The following CTNNA2 variants were observed in gnomAD, a reference collection of about 807,000 sequenced individuals.
CTNNA2 encodes catenin alpha 2, also known as catenin alpha-2.
In CTNNA2, 42 loss-of-function variants were observed where a neutral mutation model predicts 101.0. The observed-to-expected ratio is 0.42, with a 90% CI of 0.32 to 0.54. The LOEUF (loss-of-function observed/expected upper bound fraction) is 0.54. CTNNA2 is among the 20% of genes least tolerant of loss of function. The probability of loss-of-function intolerance (pLI) is 0.14; values close to 1 mark genes in which losing one functional copy is unlikely to be tolerated. For synonymous variants in CTNNA2, 450 were observed against 456.4 expected (o/e 0.99, Z 0.18); for missense variants, 871 against 1,223.1 (o/e 0.71, Z 4.29).
chr2:79,249,559 C>G (rs528555381), intron 2 of CTNNA2, among the ~76,000 whole-genome samples: 9 of 152,302 alleles, frequency 5.9e-5, no homozygotes, highest in South Asian at 2.1e-4. Flanking sequence ...GTATCCTAAG[C>G]CTTCCTCAAT....
At chr2:79,706,176 A>G (rs1260632212) in intron 2 of CTNNA2, among the ~76,000 whole-genome samples, 8 of 152,046 alleles carry the variant, frequency 5.3e-5, no homozygotes, top group Non-Finnish European at 1.2e-4. Context: ...CATCCTGGCT[A>G]ACACGGTGAA....
At chr2:79,292,269 A>G (rs1675842106) in intron 2 of CTNNA2, among the ~76,000 whole-genome samples, 1 of 152,184 alleles carries the variant, frequency 6.6e-6, no homozygotes, top group African/African-American at 2.4e-5. Context: ...AACCAGGGCT[A>G]CACTGAATTC....
chr2:80,581,034 T>C (rs1359714133), intron 13 of CTNNA2, among the ~76,000 whole-genome samples: 1 of 152,086 alleles, frequency 6.6e-6, no homozygotes, highest in Non-Finnish European at 1.5e-5. Flanking sequence ...AAACCCTAAG[T>C]AATAATGATG....
intron 7 of CTNNA2, among the ~76,000 whole-genome samples, chr2:79,945,884 G>A (rs1286991621): frequency 6.6e-6 from 1 of 152,098 alleles, no homozygotes; most frequent in African/African-American, 2.4e-5. Flanking sequence ...ATTTTATTGT[G>A]TCATGCTTGC....
At chr2:79,605,344 C>T (rs1677814421) in intron 1 of CTNNA2, among the ~76,000 whole-genome samples, 1 of 151,976 alleles carries the variant, frequency 6.6e-6, no homozygotes, top group South Asian at 2.1e-4. Context: ...CTTCATTGAG[C>T]TGTGGGACAA....
At chr2:80,461,112 G>A (rs557208366) in intron 9 of CTNNA2, among the ~76,000 whole-genome samples, 34 of 152,166 alleles carry the variant, frequency 2.2e-4, no homozygotes, top group African/African-American at 7.2e-4. Context: ...CCTAACTTTA[G>A]CCAGGCTCCT....
intron 2 of CTNNA2, among the ~76,000 whole-genome samples, chr2:79,305,176 A>C (rs1676205141): frequency 6.6e-6 from 1 of 152,000 alleles, no homozygotes; most frequent in Non-Finnish European, 1.5e-5. Flanking sequence ...CAAAACTTGA[A>C]TATTTAATTG....
chr2:80,648,486 C>G lies in CTNNA2; in HGVS notation c.*614C>G, dbSNP rs11445. The G allele has an allele frequency of 6.6e-6, 1 of 152,462 alleles. No homozygotes were observed. The highest frequency in any genetic ancestry group is 6.6e-5 in the Admixed American group (1 of 15,264). The allele number at this position is 152,462 out of a possible 1,614,324, so 9.4% of individuals were successfully genotyped here. On this transcript the variant is annotated 3_prime_UTR_variant, in exon 19 of 19. Transcript: ENST00000402739. ...TTCTAGTTGTGCCATTACTAGTGAT[C>G]ATGTTTTTTTCCCCCCTTTAATGAA...
chr2:79,399,659 A>T (rs184532117), intron 4 of CTNNA2, among the ~76,000 whole-genome samples: 1 of 152,144 alleles, frequency 6.6e-6, no homozygotes, highest in African/African-American at 2.4e-5. Flanking sequence ...TATAATTTAA[A>T]AATTACATCA....
chr2:80,433,083 C>A (rs1011342866), intron 9 of CTNNA2, among the ~76,000 whole-genome samples: 2 of 152,140 alleles, frequency 1.3e-5, no homozygotes, highest in African/African-American at 4.8e-5. Flanking sequence ...CAACACTCAG[C>A]TAAAGAGGCT....
chr2:80,020,426 T>A (rs2104098427), intron 7 of CTNNA2, among the ~76,000 whole-genome samples: 1 of 152,302 alleles, frequency 6.6e-6, no homozygotes, highest in Admixed American at 6.5e-5. Flanking sequence ...CTCATTGGCA[T>A]GGAGTGTTGA....
At chr2:79,457,496 G>A (rs1052154018) in intron 4 of CTNNA2, among the ~76,000 whole-genome samples, 2 of 152,114 alleles carry the variant, frequency 1.3e-5, no homozygotes, top group Non-Finnish European at 2.9e-5. Context: ...TCATTGGGGG[G>A]GAAATAAAAT....
At chr2:79,370,076 C>A (rs1437188558) in intron 3 of CTNNA2, among the ~76,000 whole-genome samples, 1 of 152,150 alleles carries the variant, frequency 6.6e-6, no homozygotes, top group Non-Finnish European at 1.5e-5. Context: ...AAATAGAGGA[C>A]AAGATTTTGA....
At chr2:79,290,665 C>T (rs1390599171) in intron 2 of CTNNA2, among the ~76,000 whole-genome samples, 1 of 152,172 alleles carries the variant, frequency 6.6e-6, no homozygotes, top group Non-Finnish European at 1.5e-5. Context: ...AGCAGGCCGG[C>T]AGGCCATCAA....
chr2:80,639,513 ATGTGTGTGTGTGTGTGTG>A (rs112045877), intron 18 of CTNNA2, among the ~76,000 whole-genome samples: 1 of 147,408 alleles, frequency 6.8e-6, no homozygotes, highest in Admixed American at 6.8e-5. Flanking sequence ...CCCAGCCTTG[ATGTGTGTGTGTGTGTGTG>A]TGTGTGTGTC....
chr2:80,308,147 T>A lies in CTNNA2; in HGVS notation c.1057-85064T>A, dbSNP rs148895325. On this transcript the variant is annotated intron_variant, in intron 7 of 18. Transcript: ENST00000402739. ...TATGTTGTGAAGTGGAGTGGGGGAG[T>A]AACATACAATTTTTTTTTTGGTATG... Among the ~76,000 whole-genome samples, 70 of 151,984 alleles carry A rather than the reference T, an allele frequency of 4.6e-4. 1 individual carries two copies. Among genetic ancestry groups the A allele is most frequent in the African/African-American group, 9.7e-4 (40 of 41,426 alleles).
intron 18 of CTNNA2, among the ~76,000 whole-genome samples, chr2:80,637,318 A>C (rs376799671): frequency 6.6e-6 from 1 of 152,312 alleles, no homozygotes; most frequent in African/African-American, 2.4e-5. Flanking sequence ...TTTAATTTTA[A>C]AGAACTTTTA....
chr2:80,594,876 ATGTC>A (rs1171482367), intron 15 of CTNNA2, among the ~76,000 whole-genome samples: 1 of 151,980 alleles, frequency 6.6e-6, no homozygotes, highest in African/African-American at 2.4e-5. Flanking sequence ...ATTGGTCTCT[ATGTC>A]TGTCTGTATG....
At chr2:80,123,153 T>C (rs2148881513) in intron 7 of CTNNA2, among the ~76,000 whole-genome samples, 1 of 152,328 alleles carries the variant, frequency 6.6e-6, no homozygotes, top group African/African-American at 2.4e-5. Flanking sequence ...GCTTATTCAC[T>C]GGCTGATTTC....
Sources: gnomAD v4.1 joint callset for allele counts (sites outside exome capture counted in the v4.1 genomes callset) on GRCh38, gnomAD v4.1.1 for gene constraint, MANE v1.5 for transcripts, NCBI Gene and HGNC (gene_info 2026-07-23, HGNC 2026-07-21) for gene names.